Variants in SPIDR observed in about 807,000 individuals in gnomAD.
SPIDR encodes scaffold protein involved in DNA repair, also known as DNA repair-scaffolding protein.
A neutral mutation model predicts 104.6 loss-of-function variants in SPIDR; 93 were observed. The observed-to-expected ratio is 0.89, with a 90% confidence interval of 0.75 to 1.06. The LOEUF (loss-of-function observed/expected upper bound fraction) is 1.06, where lower values mean the gene tolerates loss of function less well. Ranked by LOEUF, SPIDR falls within the 50% of genes least tolerant of loss-of-function variation. SPIDR has a pLI of 0.00. For synonymous variants in SPIDR, 431 were observed against 416.9 expected (o/e 1.03, Z -0.41); for missense variants, 1,154 against 1,111.2 (o/e 1.04, Z -0.55).
intron 8 of SPIDR, among the ~76,000 whole-genome samples, chr8:47,504,798 G>A (rs1012330158): frequency 6.6e-6 from 1 of 152,090 alleles, no homozygotes; most frequent in Non-Finnish European, 1.5e-5. Flanking sequence ...TGATAGTGAC[G>A]TACAGATGGG....
chr8:47,713,913 G>A (rs969756513), intron 16 of SPIDR, among the ~76,000 whole-genome samples: 1 of 152,134 alleles, frequency 6.6e-6, no homozygotes, highest in African/African-American at 2.4e-5. Flanking sequence ...GGGAACTCAG[G>A]GAAGGCTTCC....
chr8:47,689,097 G>A (rs2078249627), intron 11 of SPIDR, among the ~76,000 whole-genome samples: 1 of 152,178 alleles, frequency 6.6e-6, no homozygotes, highest in Non-Finnish European at 1.5e-5. Flanking sequence ...TTTATGTGTT[G>A]TAGGTGGCTT....
At chr8:47,539,782 A>G (rs923743453) in intron 8 of SPIDR, among the ~76,000 whole-genome samples, 1 of 150,622 alleles carries the variant, frequency 6.6e-6, no homozygotes, top group African/African-American at 2.4e-5. Flanking sequence ...AAGGGATGCT[A>G]TCAGGTGTTG....
At chr8:47,338,194 G>A (rs1554611094) in intron 5 of SPIDR, among the ~76,000 whole-genome samples, 1 of 152,146 alleles carries the variant, frequency 6.6e-6, no homozygotes, top group African/African-American at 2.4e-5. Flanking sequence ...CATTCCAAAT[G>A]GAAAGAGATT....
At chr8:47,440,612 CA>C in intron 8 of SPIDR, 70 bp downstream of exon 8, 1 of 1,484,470 alleles carries the variant, frequency 6.7e-7, no homozygotes, top group South Asian at 1.2e-5. Context: ...ACATTTTTAT[CA>C]GTTACATTTT....
chr8:47,604,708 G>A (rs896647252), intron 10 of SPIDR, among the ~76,000 whole-genome samples: 11 of 152,186 alleles, frequency 7.2e-5, no homozygotes, highest in South Asian at 4.1e-4. Flanking sequence ...TTAGTTGAAG[G>A]ATGTTCCCAT....
intron 7 of SPIDR, among the ~76,000 whole-genome samples, chr8:47,420,724 A>G (rs1459612261): frequency 3.3e-5 from 5 of 152,052 alleles, no homozygotes; most frequent in Non-Finnish European, 7.4e-5. Context: ...GGTCTTTACA[A>G]TTTGTCATGT....
intron 11 of SPIDR, among the ~76,000 whole-genome samples, chr8:47,695,475 T>C (rs955470203): frequency 1.3e-5 from 2 of 152,180 alleles, no homozygotes; most frequent in Non-Finnish European, 2.9e-5. Context: ...ACAGCACCAT[T>C]GTGGCTTAAA....
intron 8 of SPIDR, among the ~76,000 whole-genome samples, chr8:47,590,129 G>A (rs927922934): frequency 4.6e-5 from 7 of 150,794 alleles, no homozygotes; most frequent in African/African-American, 9.8e-5. Context: ...AACCGAGATC[G>A]TGCCACTGCA....
intron 8 of SPIDR, among the ~76,000 whole-genome samples, chr8:47,464,145 CACACACACACAG>C (rs2074393099): frequency 6.9e-6 from 1 of 145,780 alleles, no homozygotes. Flanking sequence ...CACACACACA[CACACACACACAG>C]AGCACGTTAG....
chr8:47,519,266 T>G (rs994884641), intron 8 of SPIDR, among the ~76,000 whole-genome samples: 1 of 152,154 alleles, frequency 6.6e-6, no homozygotes, highest in African/African-American at 2.4e-5. Flanking sequence ...TGCATCAGCC[T>G]CCTGAGTAGC....
At chr8:47,263,637 A>G (rs1585992678) in intron 1 of SPIDR, among the ~76,000 whole-genome samples, 1 of 152,018 alleles carries the variant, frequency 6.6e-6, no homozygotes, top group South Asian at 2.1e-4. Flanking sequence ...TTAATCATCC[A>G]TTGAGGCCTA....
At chr8:47,476,267 T>C (rs1267141243) in intron 8 of SPIDR, among the ~76,000 whole-genome samples, 2 of 152,172 alleles carry the variant, frequency 1.3e-5, no homozygotes, top group South Asian at 2.1e-4. Context: ...GGCAGAGTTA[T>C]AAGAGCACTG....
intron 10 of SPIDR, among the ~76,000 whole-genome samples, chr8:47,662,860 A>T (rs986507109): frequency 3.3e-5 from 5 of 152,224 alleles, no homozygotes; most frequent in African/African-American, 9.6e-5. Flanking sequence ...CTTCCGCTAT[A>T]GGAGGTTGCT....
At chr8:47,367,571 T>G (rs1554635485) in intron 5 of SPIDR, among the ~76,000 whole-genome samples, 1 of 152,222 alleles carries the variant, frequency 6.6e-6, no homozygotes, top group African/African-American at 2.4e-5. Flanking sequence ...ACAGGTAGTA[T>G]AGACCATTAT....
At chr8:47,301,324 G>T (rs2042046885) in intron 5 of SPIDR, among the ~76,000 whole-genome samples, 1 of 151,474 alleles carries the variant, frequency 6.6e-6, no homozygotes, top group South Asian at 2.1e-4. Flanking sequence ...CCTTTATTTT[G>T]AGCCTATGTG....
chr8:47,296,438 G>A (rs1411899234), intron 5 of SPIDR, among the ~76,000 whole-genome samples: 1 of 152,068 alleles, frequency 6.6e-6, no homozygotes, highest in Non-Finnish European at 1.5e-5. Flanking sequence ...AGTTGATTTT[G>A]GTGTATGGTG....
At chr8:47,730,929 G>A (rs1280061998) in intron 19 of SPIDR, among the ~76,000 whole-genome samples, 1 of 152,184 alleles carries the variant, frequency 6.6e-6, no homozygotes, top group Non-Finnish European at 1.5e-5. Flanking sequence ...GATCACAAGT[G>A]ACTATACACT....
At chr8:47,692,326 TTCTC>T (rs1563561458) in intron 11 of SPIDR, among the ~76,000 whole-genome samples, 1 of 151,968 alleles carries the variant, frequency 6.6e-6, no homozygotes, top group Non-Finnish European at 1.5e-5. Context: ...GCTCCGCACT[TTCTC>T]TCCCCCAGCA....
Sources: gnomAD v4.1 joint callset for allele counts (sites outside exome capture counted in the v4.1 genomes callset) on GRCh38, gnomAD v4.1.1 for gene constraint, MANE v1.5 for transcripts, NCBI Gene and HGNC (gene_info 2026-07-23, HGNC 2026-07-21) for gene names.